The following TBC1D32 variants were observed in gnomAD, a reference collection of about 807,000 sequenced individuals.
TBC1D32 encodes the protein TBC1 domain family member 32.
In TBC1D32, 151 loss-of-function variants were observed where a neutral mutation model predicts 170.3. That is an observed-to-expected ratio of 0.89 (90% CI 0.78 to 1.01). The LOEUF is 1.01. Ranked by LOEUF, TBC1D32 falls within the 50% of genes least tolerant of loss-of-function variation. TBC1D32 has a pLI of 0.00. For synonymous variants in TBC1D32, 498 were observed against 488.0 expected (o/e 1.02, Z -0.27); for missense variants, 1,464 against 1,457.1 (o/e 1.00, Z -0.08).
intron 17 of TBC1D32, among the ~76,000 whole-genome samples, chr6:121,246,499 C>T (rs1435851770): frequency 6.6e-6 from 1 of 151,844 alleles, no homozygotes; most frequent in Non-Finnish European, 1.5e-5. Flanking sequence ...CCCAAAAGGT[C>T]ACAGTAGGCC....
chr6:121,222,268 A>T (rs1017476328), intron 21 of TBC1D32, among the ~76,000 whole-genome samples: 2 of 152,166 alleles, frequency 1.3e-5, no homozygotes, highest in Non-Finnish European at 2.9e-5. Context: ...GAAAACAAAA[A>T]ATTTGTGTGA....
chr6:121,300,116 G>GTGTTCAAAATATAGTT (rs1175874398), intron 9 of TBC1D32, among the ~76,000 whole-genome samples: 1 of 152,136 alleles, frequency 6.6e-6, no homozygotes, highest in African/African-American at 2.4e-5. Context: ...GATATCATTA[G>GTGTTCAAAATATAGTT]TGTTCAAAAT....
chr6:121,080,498 G>A lies in TBC1D32; in HGVS notation c.*273C>T. The stretch of plus-strand genomic sequence containing the variant: ...CAAAGTGCTGGGATTACAGGCATGA[G>A]CCACCGCGCCTGGCCAGGACTAACT... On this transcript the variant is annotated 3_prime_UTR_variant, in exon 32 of 32. Transcript: ENST00000398212. 3.6e-6 allele frequency: 1 copy of A among 281,618 alleles called. No individual in the cohort carries two copies. Among genetic ancestry groups the A allele is most frequent in the Non-Finnish European group, 6.7e-6 (1 of 148,896 alleles). 17.4% of individuals were successfully genotyped at this position (281,618 alleles called of 1,614,324 possible).
chr6:121,144,446 T>C (rs1039329178), intron 24 of TBC1D32, among the ~76,000 whole-genome samples: 5 of 152,042 alleles, frequency 3.3e-5, no homozygotes, highest in Admixed American at 3.3e-4. Context: ...ATTTTAGATA[T>C]GTAAAGATTT....
At chr6:121,333,645 G>A (rs1811483769) in intron 1 of TBC1D32, among the ~76,000 whole-genome samples, 1 of 152,184 alleles carries the variant, frequency 6.6e-6, no homozygotes, top group Non-Finnish European at 1.5e-5. Flanking sequence ...TATACTGACA[G>A]GAATCCCTTG....
At chr6:121,172,833 T>C (rs983651422) in intron 22 of TBC1D32, among the ~76,000 whole-genome samples, 3 of 152,186 alleles carry the variant, frequency 2.0e-5, no homozygotes, top group African/African-American at 7.2e-5. Flanking sequence ...TAACTTTATA[T>C]AGCATTTGGG....
rs1227256865 is a variant in TBC1D32, at chr6:121,304,415, T to C, written c.885A>G (p.Leu295=). Residue 295 remains leucine, a synonymous_variant, in exon 8 of 32, where the codon CTA becomes CTG. Transcript: ENST00000398212. ...MTRLLKKVRL[L]NEYQKEAPSF... ...ATGGAGCTTCTTTCTGATATTCATT[T>C]AGAAGACGAACCTACAAAGCAGTGC... 1 of 1,613,534 alleles carries C rather than the reference T, an allele frequency of 6.2e-7. No individual in the cohort carries two copies. Among genetic ancestry groups the C allele is most frequent in the Non-Finnish European group, 8.5e-7 (1 of 1,179,676 alleles).
At position 121,283,906 on chromosome 6, in the gene TBC1D32, C is replaced by A. The variant is rs577124824; in HGVS notation, c.1377G>T (p.Leu459Phe). Reference sequence around the variant, plus strand: ...GAACAAGCAGATCTATGAGGGATACCAAACCTTTAAAAAGAAAATAAAGAG... The same window carrying A: ...GAACAAGCAGATCTATGAGGGATACAAAACCTTTAAAAAGAAAATAAAGAG... ...FPIKLKNKKG[L>F]VSLIDLLVLF... Residue 459 changes from leucine (L) to phenylalanine (F), a missense_variant, in exon 13 of 32, where the codon TTG becomes TTT. This residue lies in a region of TBC1D32 where 1,363 missense variants were observed against 1,338.1 expected (regional missense o/e 1.02). Transcript: ENST00000398212. 8.2e-6 allele frequency: 13 copies of A among 1,591,680 alleles called. No individual in the cohort carries two copies. In the East Asian group the frequency reaches 2.7e-4, roughly 33 times the overall value.
At chr6:121,242,994 G>A (rs1008941128) in intron 17 of TBC1D32, among the ~76,000 whole-genome samples, 3 of 151,512 alleles carry the variant, frequency 2.0e-5, no homozygotes, top group Non-Finnish European at 2.9e-5. Flanking sequence ...TACTTTCTTT[G>A]AAAATATATA....
chr6:121,291,929 T>C (rs1272741851), intron 12 of TBC1D32, 124 bp downstream of exon 12: 3 of 1,027,510 alleles, frequency 2.9e-6, no homozygotes, highest in African/African-American at 1.7e-5. Context: ...AAGCTATCAA[T>C]AGACTAAAAG....
chr6:121,230,230 A>T (rs1256225031), intron 20 of TBC1D32, among the ~76,000 whole-genome samples: 2 of 152,186 alleles, frequency 1.3e-5, no homozygotes, highest in Admixed American at 6.6e-5. Flanking sequence ...ACCAATTTTT[A>T]AAAATACTAT....
intron 5 of TBC1D32, among the ~76,000 whole-genome samples, chr6:121,306,802 T>C (rs1355783992): frequency 6.6e-6 from 1 of 152,196 alleles, no homozygotes; most frequent in Non-Finnish European, 1.5e-5. Flanking sequence ...TCATATCTAC[T>C]GACTTCATAA....
intron 22 of TBC1D32, among the ~76,000 whole-genome samples, chr6:121,169,141 A>G (rs559248029): frequency 2.0e-5 from 3 of 152,244 alleles, no homozygotes; most frequent in Non-Finnish European, 4.4e-5. Flanking sequence ...ACAAAGCTGG[A>G]AGCATCACAC....
intron 17 of TBC1D32, among the ~76,000 whole-genome samples, chr6:121,247,070 A>T (rs1027558034): frequency 6.6e-6 from 1 of 152,106 alleles, no homozygotes; most frequent in Non-Finnish European, 1.5e-5. Context: ...GAGCTCTGAG[A>T]AAAAAGCATC....
At chr6:121,093,319 G>A (rs571058981) in intron 30 of TBC1D32, among the ~76,000 whole-genome samples, 1 of 152,160 alleles carries the variant, frequency 6.6e-6, no homozygotes, top group African/African-American at 2.4e-5. Context: ...CTCTCGACTA[G>A]GCAGACTGAA....
chr6:121,121,787 G>A (rs1780297073), intron 26 of TBC1D32, among the ~76,000 whole-genome samples: 1 of 151,896 alleles, frequency 6.6e-6, no homozygotes, highest in African/African-American at 2.4e-5. Context: ...AGAATGAAAT[G>A]ATAGGTAAAA....
chr6:121,213,509 TA>T (rs1228513579), intron 21 of TBC1D32, among the ~76,000 whole-genome samples: 195 of 10,730 alleles, frequency 0.018, 8 homozygotes, highest in African/African-American at 0.023. Context: ...TAAAATAAAA[TA>T]AAATAAAATA....
intron 12 of TBC1D32, among the ~76,000 whole-genome samples, chr6:121,285,133 T>C (rs1010370645): frequency 1.3e-5 from 2 of 152,172 alleles, no homozygotes; most frequent in Non-Finnish European, 2.9e-5. Context: ...AAGATAAGAA[T>C]GGATTTCACA....
intron 21 of TBC1D32, among the ~76,000 whole-genome samples, chr6:121,208,703 T>C (rs1170642129): frequency 2.0e-5 from 2 of 97,836 alleles, no homozygotes; most frequent in East Asian, 3.5e-4. Context: ...ACTGGATTTA[T>C]GTAGCAACAA....
Sources: allele counts gnomAD v4.1 joint callset (sites outside exome capture counted in the v4.1 genomes callset), GRCh38; gene constraint gnomAD v4.1.1; regional missense constraint gnomAD v4.1.1; transcripts MANE v1.5; gene names NCBI Gene and HGNC (gene_info 2026-07-23, HGNC 2026-07-21).